The following TFDP1 variants were observed in gnomAD, a reference collection of about 807,000 sequenced individuals.
The protein encoded by TFDP1 is transcription factor Dp-1, also known as DRTF1-polypeptide 1.
Under a neutral mutation model 48.0 loss-of-function variants are expected in TFDP1, and 6 were observed. The ratio of observed to expected loss-of-function variants is 0.13; its 90% CI spans 0.07 to 0.25. TFDP1 has a LOEUF of 0.25. TFDP1 is among the 10% of genes least tolerant of loss of function. The pLI is 1.00. For synonymous variants in TFDP1, 201 were observed against 211.6 expected (o/e 0.95, Z 0.44); for missense variants, 335 against 543.0 (o/e 0.62, Z 3.81).
chr13:113,637,225 C>T, intron 10 of TFDP1: 1 of 204,752 alleles, frequency 4.9e-6, no homozygotes, highest in South Asian at 8.1e-5. Flanking sequence ...CAGCCACTGA[C>T]AGCAGGATGG....
intron 2 of TFDP1, among the ~76,000 whole-genome samples, chr13:113,595,734 G>GTA (rs2048269828): frequency 1.3e-5 from 2 of 152,250 alleles, no homozygotes; most frequent in African/African-American, 4.8e-5. Flanking sequence ...ACAGTGTGAG[G>GTA]TATAGCCGTC....
At chr13:113,638,923 G>A (rs558151115) in intron 11 of TFDP1, among the ~76,000 whole-genome samples, 16 of 152,232 alleles carry the variant, frequency 1.1e-4, no homozygotes, top group African/African-American at 3.6e-4. Context: ...AACAGGGCTC[G>A]ACATAGTGAG....
intron 2 of TFDP1, among the ~76,000 whole-genome samples, chr13:113,587,720 C>G (rs2048040531): frequency 6.6e-6 from 1 of 152,074 alleles, no homozygotes; most frequent in African/African-American, 2.4e-5. Context: ...CTCCTGACCT[C>G]AACAATCCAC....
rs1037054839 is a variant in TFDP1, at chr13:113,631,495, T to C, written c.187-128T>C. 4 of 1,235,532 alleles carry C rather than the reference T, an allele frequency of 3.2e-6. No homozygotes were observed. The African/African-American group carries it at 6.2e-5, about 19-fold the overall frequency. 76.5% of individuals were successfully genotyped at this position (1,235,532 alleles called of 1,614,324 possible). On this transcript the variant is annotated intron_variant, in intron 4 of 11. Transcript: ENST00000375370. ...GTCCACCGCTGGACGTTTTTCCTGCTCCGTCATGGCTGCTCACTGTGGTTA... is the reference window on the plus strand; with the variant it reads ...GTCCACCGCTGGACGTTTTTCCTGCCCCGTCATGGCTGCTCACTGTGGTTA...
chr13:113,637,655 C>T, intron 10 of TFDP1, 163 bp from the exon 11 acceptor site: 1 of 1,540,170 alleles, frequency 6.5e-7, no homozygotes, highest in Middle Eastern at 1.7e-4. Flanking sequence ...AGCGGGATGT[C>T]CTGCTCCGTG....
intron 3 of TFDP1, among the ~76,000 whole-genome samples, chr13:113,622,834 G>A (rs2049028045): frequency 6.6e-6 from 1 of 152,220 alleles, no homozygotes. Flanking sequence ...AAAAATTCTA[G>A]TTTTAAAATT....
chr13:113,607,915 C>T lies in TFDP1; in HGVS notation c.13-3081C>T, dbSNP rs987530327. Among the ~76,000 whole-genome samples the T allele has an allele frequency of 2.0e-5, 3 of 152,144 alleles. No homozygotes were observed. Among genetic ancestry groups the T allele is most frequent in the Non-Finnish European group, 2.9e-5 (2 of 68,038 alleles). ...CCTGTGCCGCAGCCCCCATGGCTGC[C>T]GAGGTCTCCCCTGGGCAGGGGCAGT... On this transcript the variant is annotated intron_variant, in intron 2 of 11. Transcript: ENST00000375370. The surrounding 1 kb of genome is among the most constrained non-coding windows in gnomAD (Gnocchi z 5.2).
intron 1 of TFDP1, 160 bp from the exon 2 acceptor site, chr13:113,585,591 GTCTGGCGAGGCGACTGAAAATCC>G: frequency 2.4e-6 from 1 of 412,666 alleles, no homozygotes; most frequent in Non-Finnish European, 4.4e-6. Context: ...GGGCATTTCC[GTCTGGCGAGGCGACTGAAAATCC>G]TGAGTGTGGG....
At chr13:113,599,795 CGAGAGAGAACCCAGGACCGT>C (rs1034409528) in intron 2 of TFDP1, among the ~76,000 whole-genome samples, 5 of 143,198 alleles carry the variant, frequency 3.5e-5, no homozygotes, top group South Asian at 2.3e-4. Flanking sequence ...TCCAGGACTA[CGAGAGAGAACCCAGGACCGT>C]GAGAGAGAAC....
At chr13:113,615,436 A>G (rs559956934) in intron 3 of TFDP1, among the ~76,000 whole-genome samples, 149 of 151,590 alleles carry the variant, frequency 9.8e-4, no homozygotes, top group African/African-American at 3.3e-3. Context: ...GGCTGCCTGC[A>G]CTCTCCTCCC....
Position 113,598,908 on chromosome 13 carries a change from A to G in TFDP1, c.13-12088A>G, listed in dbSNP as rs1176331815. Reference sequence around the variant, plus strand: ...GTGTGTGGCTTTTCCCTTAGTTTAGAAAATGAAATCGCCTTATTGCTTTGT... The same window carrying G: ...GTGTGTGGCTTTTCCCTTAGTTTAGGAAATGAAATCGCCTTATTGCTTTGT... On this transcript the variant is annotated intron_variant, in intron 2 of 11. Transcript: ENST00000375370. The surrounding 1 kb of genome is among the most constrained non-coding windows in gnomAD (Gnocchi z 4.2). Among the ~76,000 whole-genome samples, 1 of 152,222 alleles carries G rather than the reference A, an allele frequency of 6.6e-6. No individual in the cohort carries two copies. The highest frequency in any genetic ancestry group is 2.4e-5 in the African/African-American group (1 of 41,458).
At position 113,611,056 on chromosome 13, in the gene TFDP1, G is replaced by A. The variant is rs746890685; in HGVS notation, c.73G>A (p.Gly25Arg). 5.6e-6 allele frequency: 9 copies of A among 1,613,802 alleles called. No individual in the cohort carries two copies. Among genetic ancestry groups the A allele is most frequent in the Non-Finnish European group, 1.7e-6 (2 of 1,179,826 alleles). The change falls in exon 3 of 12, where the codon GGG (glycine) becomes AGG (arginine). Residue 25 changes from glycine to arginine, a missense_variant. By Grantham distance (125) the Gly-to-Arg change is moderately radical. Coordinates refer to ENST00000375370, the MANE Select transcript of TFDP1 (RefSeq NM_007111.5). ...KVFIDQNLSPGKGVVSLVAVH... is the reference protein window; with the variant it reads ...KVFIDQNLSPRKGVVSLVAVH... ...CTTCATAGACCAGAACCTTAGTCCC[G>A]GGAAAGGTAAGGGCACCTGTTCTGG...
intron 11 of TFDP1, among the ~76,000 whole-genome samples, chr13:113,638,111 T>C (rs564033931): frequency 6.6e-6 from 1 of 152,324 alleles, no homozygotes; most frequent in East Asian, 1.9e-4. Context: ...AAGTAATACA[T>C]GGTGGTTTTT....
intron 5 of TFDP1, among the ~76,000 whole-genome samples, chr13:113,632,468 G>A (rs765904201): frequency 6.6e-6 from 1 of 152,216 alleles, no homozygotes; most frequent in Middle Eastern, 3.2e-3. Context: ...ACACTGAAAC[G>A]TCCCATAGTT....
At chr13:113,618,825 C>T (rs1251570297) in intron 3 of TFDP1, among the ~76,000 whole-genome samples, 3 of 152,244 alleles carry the variant, frequency 2.0e-5, no homozygotes, top group Non-Finnish European at 2.9e-5. Context: ...ATCAGCCTGA[C>T]GGCTCTATGT....
At chr13:113,605,164 A>T (rs1226336008) in intron 2 of TFDP1, among the ~76,000 whole-genome samples, 1 of 151,720 alleles carries the variant, frequency 6.6e-6, no homozygotes, top group Non-Finnish European at 1.5e-5. Context: ...GCGTCATAAC[A>T]TTCTTTCCTG....
intron 2 of TFDP1, among the ~76,000 whole-genome samples, chr13:113,595,182 G>A (rs1023738818): frequency 3.3e-5 from 5 of 152,130 alleles, no homozygotes; most frequent in African/African-American, 9.7e-5. Flanking sequence ...AAAAAAAGAC[G>A]CTGTACCTAA....
chr13:113,629,621 C>G (rs945819893), intron 4 of TFDP1, among the ~76,000 whole-genome samples: 1 of 152,178 alleles, frequency 6.6e-6, no homozygotes, highest in Non-Finnish European at 1.5e-5. Context: ...ACTGGGCTAA[C>G]ATGCGTGATC....
At chr13:113,630,238 C>A (rs185392012) in intron 4 of TFDP1, among the ~76,000 whole-genome samples, 19 of 152,210 alleles carry the variant, frequency 1.2e-4, no homozygotes, top group Non-Finnish European at 2.2e-4. Flanking sequence ...GGAGATTTAT[C>A]TTTTGTATGG....
Sources: gnomAD v4.1 joint callset for allele counts (sites outside exome capture counted in the v4.1 genomes callset) on GRCh38, gnomAD v4.1.1 for gene constraint, Gnocchi (gnomAD v3.1) non-coding constraint, MANE v1.5 for transcripts, NCBI Gene and HGNC (gene_info 2026-07-23, HGNC 2026-07-21) for gene names.